CMTM4: variants seen among roughly 807,000 people sequenced by gnomAD.
The protein encoded by CMTM4 is CKLF-like MARVEL transmembrane domain-containing protein 4.
CMTM4 carries 8 observed loss-of-function variants against 19.0 expected under a neutral mutation model. The observed-to-expected ratio is 0.42, with a 90% CI of 0.25 to 0.76. The LOEUF is 0.76. Ranked by LOEUF, CMTM4 falls within the 30% of genes least tolerant of loss-of-function variation. The probability of loss-of-function intolerance (pLI) is 0.27; values close to 1 mark genes in which losing one functional copy is unlikely to be tolerated. For missense variants in CMTM4, 228 were observed against 290.2 expected (o/e 0.79, Z 1.56); for synonymous variants, 106 against 121.1 (o/e 0.88, Z 0.82).
intron 1 of CMTM4, among the ~76,000 whole-genome samples, chr16:66,647,130 A>G (rs914650815): frequency 4.8e-5 from 7 of 147,266 alleles, no homozygotes. Flanking sequence ...CCTGGCTAAT[A>G]CGGTGAAACC....
rs539322208 is a variant in CMTM4, at chr16:66,679,845, A to T, written c.186+16495T>A. ...TGTCAAAAAAAAAAAAAAAAAAAAG[A>T]TGAGACCGATGAGTGATGCTGGAGC... On this transcript the variant is annotated intron_variant, in intron 1 of 3. Transcript: ENST00000394106. Among the ~76,000 whole-genome samples, 3 of 149,596 alleles carry T rather than the reference A, an allele frequency of 2.0e-5. No individual in the cohort carries two copies. In the East Asian group the frequency reaches 5.9e-4, roughly 29 times the overall value.
intron 1 of CMTM4, among the ~76,000 whole-genome samples, chr16:66,681,650 A>AT (rs1322505819): frequency 6.6e-6 from 1 of 152,110 alleles, no homozygotes; most frequent in Non-Finnish European, 1.5e-5. Flanking sequence ...GTATTTATGC[A>AT]TATCTCAATT....
chr16:66,643,824 G>A (rs1691509624), intron 1 of CMTM4, among the ~76,000 whole-genome samples: 2 of 152,146 alleles, frequency 1.3e-5, no homozygotes, highest in Non-Finnish European at 2.9e-5. Context: ...CATGATCTCG[G>A]CTCACCGCAA....
intron 1 of CMTM4, among the ~76,000 whole-genome samples, chr16:66,678,546 T>C (rs2016848820): frequency 6.6e-6 from 1 of 152,258 alleles, no homozygotes; most frequent in Non-Finnish European, 1.5e-5. Flanking sequence ...GTCCTTGAGC[T>C]ATTTGTAACT....
intron 1 of CMTM4, among the ~76,000 whole-genome samples, chr16:66,678,694 A>G (rs355928): frequency 0.093 from 14,184 of 152,274 alleles, 916 homozygotes; most frequent in East Asian, 0.25. Context: ...TTCATGGAAC[A>G]TGTGTGTGCA....
At chr16:66,651,411 G>A (rs910544345) in intron 1 of CMTM4, among the ~76,000 whole-genome samples, 5 of 152,126 alleles carry the variant, frequency 3.3e-5, no homozygotes, top group African/African-American at 7.2e-5. Flanking sequence ...GAATAACAAC[G>A]GCTTCCATTT....
chr16:66,695,290 T>C (rs34213783), intron 1 of CMTM4, among the ~76,000 whole-genome samples: 64,236 of 151,952 alleles, frequency 0.42, 14,325 homozygotes, highest in Middle Eastern at 0.61. Flanking sequence ...GAACCTGCAG[T>C]GAGCCACGAT....
At chr16:66,644,753 C>T (rs1417961088) in intron 1 of CMTM4, among the ~76,000 whole-genome samples, 1 of 152,224 alleles carries the variant, frequency 6.6e-6, no homozygotes, top group East Asian at 1.9e-4. Context: ...GCCACAGCAG[C>T]CTGCAATGTT....
the CMTM4 span, chr16:66,609,507 G>A: frequency 6.2e-7 from 1 of 1,607,060 alleles, no homozygotes; most frequent in Non-Finnish European, 8.5e-7. This position sits in a 1 kb window ranked among gnomAD's most constrained non-coding sequence, Gnocchi z 4.4. Flanking sequence ...CAAGTACTCG[G>A]ATGGGGCTTC....
the CMTM4 span, chr16:66,608,558 T>G: frequency 1.3e-5 from 17 of 1,293,442 alleles, no homozygotes; most frequent in Non-Finnish European, 1.6e-5. The surrounding 1 kb of genome is among the most constrained non-coding windows in gnomAD (Gnocchi z 5.1). Context: ...ATCCTTTCTC[T>G]AGTGTGCTGG....
intron 1 of CMTM4, among the ~76,000 whole-genome samples, chr16:66,673,071 A>ATTTT (rs758565705): frequency 6.9e-5 from 6 of 86,752 alleles, no homozygotes; most frequent in Non-Finnish European, 1.1e-4. Flanking sequence ...CACCACACCA[A>ATTTT]TTTTTTTTTT....
chr16:66,603,974 G>A, the CMTM4 span: 2 of 152,550 alleles, frequency 1.3e-5, no homozygotes, highest in African/African-American at 4.8e-5. Context: ...CAGGAAGCTG[G>A]GTCTTGATCA....
chr16:66,636,331 G>A, intron 2 of CMTM4, 74 bp downstream of exon 2: 1 of 1,222,386 alleles, frequency 8.2e-7, no homozygotes. Context: ...ACATGACCTG[G>A]AGAGATTCCA....
Position 66,618,063 on chromosome 16 carries a change from T to A in CMTM4, c.*3995A>T. 2.0e-6 allele frequency: 2 copies of A among 985,500 alleles called. No individual in the cohort carries two copies. Among genetic ancestry groups the A allele is most frequent in the Non-Finnish European group, 2.4e-6 (2 of 829,964 alleles). The allele number at this position is 985,500 out of a possible 1,614,324, so 61.0% of individuals were successfully genotyped here. ...TGTGGACCTCACCAGCCTACCAAGC[T>A]GTTGGGCCTGGACGTGGGTGCTGAT... is the stretch of plus-strand genomic sequence containing the variant. On this transcript the variant is annotated 3_prime_UTR_variant, in exon 4 of 4. Transcript: ENST00000394106.
At chr16:66,599,599 G>C in the CMTM4 span, among the ~76,000 whole-genome samples, 1 of 152,054 alleles carries the variant, frequency 6.6e-6, no homozygotes, top group Non-Finnish European at 1.5e-5. Context: ...GGGCTCAAGT[G>C]ATCCTCCCAT....
Position 66,621,586 on chromosome 16 carries a change from A to C in CMTM4, c.*472T>G. ...GGCTGCCTGGGGGCCCTGGCATGGAAGATGAGGAGTGGGCTGGATCCCAGC... is the reference window on the plus strand; with the variant it reads ...GGCTGCCTGGGGGCCCTGGCATGGACGATGAGGAGTGGGCTGGATCCCAGC... On this transcript the variant is annotated 3_prime_UTR_variant, in exon 4 of 4. Transcript: ENST00000394106. 1 of 989,860 alleles carries C rather than the reference A, an allele frequency of 1.0e-6. No individual in the cohort carries two copies. The highest frequency in any genetic ancestry group is 1.2e-6 in the Non-Finnish European group (1 of 832,196). The allele number at this position is 989,860 out of a possible 1,614,324, so 61.3% of individuals were successfully genotyped here. A position where few individuals can be genotyped will look rare whatever the true frequency, so the allele number is the denominator to read the frequency against.
chr16:66,610,280 G>C (rs1445793377), downstream of CMTM4, among the ~76,000 whole-genome samples: 5 of 152,118 alleles, frequency 3.3e-5, no homozygotes, highest in Admixed American at 3.3e-4. The surrounding 1 kb of genome is among the most constrained non-coding windows in gnomAD (Gnocchi z 4.6). Context: ...CGACCCCCCT[G>C]GGCAGCCAGT....
In CMTM4 at chr16:66,622,160, C is replaced by A; in HGVS notation, c.525G>T (p.Trp175Cys). 1 of 1,613,828 alleles carries A rather than the reference C, an allele frequency of 6.2e-7. No homozygotes were observed. Reference protein sequence around the residue: ...AVNTFLAVQKWRVSVRQQSTN... With the variant: ...AVNTFLAVQKCRVSVRQQSTN... ...TGCTCTGCTGGCGGACGCTGACTCT[C>A]CATTTCTGCACTGCCAGGAATGTGT... The change falls in exon 4 of 4, where the codon TGG (tryptophan) becomes TGT (cysteine). Residue 175 changes from tryptophan (W) to cysteine (C), a missense_variant. By Grantham distance (215) the Trp-to-Cys change is radical. Transcript: ENST00000394106. This position sits in a 1 kb window ranked among gnomAD's most constrained non-coding sequence, Gnocchi z 4.0.
intron 1 of CMTM4, among the ~76,000 whole-genome samples, chr16:66,656,422 G>A (rs757374007): frequency 7.9e-5 from 12 of 152,116 alleles, no homozygotes; most frequent in African/African-American, 2.4e-4. Flanking sequence ...GGAGTACAGC[G>A]GCGTGATCTT....
Sources: gnomAD v4.1 joint callset for allele counts (sites outside exome capture counted in the v4.1 genomes callset) on GRCh38, gnomAD v4.1.1 for gene constraint, Gnocchi (gnomAD v3.1) non-coding constraint, MANE v1.5 for transcripts, NCBI Gene and HGNC (gene_info 2026-07-23, HGNC 2026-07-21) for gene names.